KYNU: variants seen among roughly 807,000 people sequenced by gnomAD.
The protein encoded by KYNU is L-kynurenine hydrolase.
A neutral mutation model predicts 59.2 loss-of-function variants in KYNU; 54 were observed. That is an observed-to-expected ratio of 0.91 (90% CI 0.73 to 1.14). The LOEUF is 1.14. KYNU is among the 50% of genes most tolerant of loss of function. The probability of loss-of-function intolerance (pLI) is 0.00; values close to 1 mark genes in which losing one functional copy is unlikely to be tolerated. For synonymous variants in KYNU, 177 were observed against 192.0 expected, an observed-to-expected ratio of 0.92 and a Z score of 0.65; for missense variants, 567 against 554.4, an observed-to-expected ratio of 1.02 and a Z score of -0.23.
chr2:143,023,808 C>CA (rs1024230706), intron 10 of KYNU, among the ~76,000 whole-genome samples: 33 of 147,770 alleles, frequency 2.2e-4, no homozygotes, highest in South Asian at 8.5e-4. Flanking sequence ...GTAAATTACT[C>CA]AAAAAAAAAG....
At chr2:143,035,323 C>T (rs1200278954) in intron 12 of KYNU, among the ~76,000 whole-genome samples, 1 of 152,162 alleles carries the variant, frequency 6.6e-6, no homozygotes, top group Non-Finnish European at 1.5e-5. Context: ...TACATATTTC[C>T]CTTGAGCCTC....
chr2:143,027,487 A>G (rs1686610100), intron 10 of KYNU, among the ~76,000 whole-genome samples: 1 of 152,154 alleles, frequency 6.6e-6, no homozygotes, highest in African/African-American at 2.4e-5. Flanking sequence ...TCCTGAATTC[A>G]TGGGGCACAG....
intron 8 of KYNU, among the ~76,000 whole-genome samples, chr2:142,979,149 C>T (rs184779693): frequency 0.01 from 1,553 of 152,174 alleles, 18 homozygotes; most frequent in Admixed American, 0.039. Context: ...AAAACACACA[C>T]GATATTTCTT....
At chr2:142,917,467 A>T (rs78937888) in intron 2 of KYNU, among the ~76,000 whole-genome samples, 3 of 55,710 alleles carry the variant, frequency 5.4e-5, no homozygotes, top group African/African-American at 1.8e-4. Context: ...CCTTTTATTA[A>T]AAAAAAAAAA....
intron 8 of KYNU, among the ~76,000 whole-genome samples, chr2:142,963,035 T>C (rs1684401530): frequency 6.6e-6 from 1 of 152,142 alleles, no homozygotes; most frequent in Non-Finnish European, 1.5e-5. Context: ...AAATAAAGCA[T>C]GGTGGGAATA....
chr2:142,903,787 A>C (rs1381718949), intron 2 of KYNU, among the ~76,000 whole-genome samples: 1 of 152,192 alleles, frequency 6.6e-6, no homozygotes, highest in Non-Finnish European at 1.5e-5. Flanking sequence ...TTCCCTTGAC[A>C]TAAGGGGCAT....
chr2:142,954,755 T>C, intron 4 of KYNU, 55 bp from the exon 5 acceptor site: 3 of 1,185,896 alleles, frequency 2.5e-6, no homozygotes, highest in Non-Finnish European at 3.8e-6. Flanking sequence ...CTTTGTTTTT[T>C]CAGTATCTTT....
intron 5 of KYNU, among the ~76,000 whole-genome samples, chr2:142,955,366 G>C (rs1300997910): frequency 6.6e-6 from 1 of 152,022 alleles, no homozygotes; most frequent in Non-Finnish European, 1.5e-5. Flanking sequence ...TCAATAAACA[G>C]TTTTACCTTA....
At chr2:142,877,840 G>A (rs1681148873) in intron 1 of KYNU, 104 bp downstream of exon 1, 1 of 151,974 alleles carries the variant, frequency 6.6e-6, no homozygotes, top group African/African-American at 2.4e-5. Flanking sequence ...GTGTTTTAGA[G>A]GTTTTTTTCT....
chr2:143,001,575 G>C (rs1482720970), intron 10 of KYNU, among the ~76,000 whole-genome samples: 1 of 152,090 alleles, frequency 6.6e-6, no homozygotes, highest in Non-Finnish European at 1.5e-5. Flanking sequence ...TCCAGGGACC[G>C]AGCATCTCAG....
chr2:142,882,427 C>A (rs965347414), intron 1 of KYNU, among the ~76,000 whole-genome samples: 3 of 151,830 alleles, frequency 2.0e-5, no homozygotes, highest in Non-Finnish European at 4.4e-5. Context: ...TTTGCTGCAC[C>A]CATTAACTCG....
intron 2 of KYNU, among the ~76,000 whole-genome samples, chr2:142,888,229 T>C (rs1052049082): frequency 6.6e-6 from 1 of 152,122 alleles, no homozygotes; most frequent in Non-Finnish European, 1.5e-5. Flanking sequence ...AGGCGGAGGC[T>C]GGAGGATCAC....
At chr2:142,975,459 G>T (rs1331304789) in intron 8 of KYNU, among the ~76,000 whole-genome samples, 1 of 152,164 alleles carries the variant, frequency 6.6e-6, no homozygotes, top group East Asian at 1.9e-4. Context: ...TGCCAAGAGG[G>T]CAAGTTGTAA....
At position 142,900,065 on chromosome 2, in the gene KYNU, G is replaced by C. The variant is rs891410002; in HGVS notation, c.169+14529G>C. ...AATGGAATCTTGGGCCATGCAGTGAGTGTTATAGCTCTATTAGAAGCCATG... is the reference window on the plus strand; with the variant it reads ...AATGGAATCTTGGGCCATGCAGTGACTGTTATAGCTCTATTAGAAGCCATG... On this transcript the variant is annotated intron_variant, in intron 2 of 13. Coordinates refer to ENST00000264170, the MANE Select transcript of KYNU (RefSeq NM_003937.3). Among the ~76,000 whole-genome samples the C allele has an allele frequency of 5.3e-5, 8 of 152,306 alleles. 2 individuals are homozygous for C. Among genetic ancestry groups the C allele is most frequent in the Admixed American group, 3.3e-4 (5 of 15,304 alleles).
chr2:142,945,533 A>G (rs1683742886), intron 4 of KYNU, among the ~76,000 whole-genome samples: 2 of 152,278 alleles, frequency 1.3e-5, no homozygotes, highest in South Asian at 2.1e-4. Flanking sequence ...CCTTGAGCCT[A>G]TCAGTCATCC....
intron 2 of KYNU, among the ~76,000 whole-genome samples, chr2:142,894,155 C>G (rs1222383600): frequency 6.6e-6 from 1 of 152,160 alleles, no homozygotes; most frequent in East Asian, 1.9e-4. Flanking sequence ...ACTCATCAAT[C>G]TAGACCTCAG....
chr2:142,998,237 C>T (rs1685601450), intron 10 of KYNU, among the ~76,000 whole-genome samples: 3 of 152,100 alleles, frequency 2.0e-5, no homozygotes, highest in Admixed American at 2.0e-4. Flanking sequence ...TTATTGTTGA[C>T]ATTTAGTTTT....
chr2:142,957,356 GT>G (rs1350367216), intron 6 of KYNU, among the ~76,000 whole-genome samples: 2 of 151,912 alleles, frequency 1.3e-5, no homozygotes, highest in Non-Finnish European at 2.9e-5. Flanking sequence ...GCAAATTCTG[GT>G]TTTGACTTAG....
intron 8 of KYNU, among the ~76,000 whole-genome samples, chr2:142,984,247 A>T (rs1685133475): frequency 6.6e-6 from 1 of 152,072 alleles, no homozygotes; most frequent in Non-Finnish European, 1.5e-5. Context: ...TGACATATTT[A>T]ATCATATAAT....
Sources: allele counts gnomAD v4.1 joint callset (sites outside exome capture counted in the v4.1 genomes callset), GRCh38; gene constraint gnomAD v4.1.1; transcripts MANE v1.5; gene names NCBI Gene and HGNC (gene_info 2026-07-23, HGNC 2026-07-21).